GALNT2: variants seen among roughly 807,000 people sequenced by gnomAD.
The protein encoded by GALNT2 is polypeptide N-acetylgalactosaminyltransferase 2, also known as UDP-GalNAc:polypeptide N-acetylgalactosaminyltransferase 2.
In GALNT2, 31 loss-of-function variants were observed where a neutral mutation model predicts 81.4. The ratio of observed to expected loss-of-function variants is 0.38; its 90% CI spans 0.29 to 0.51. The LOEUF (loss-of-function observed/expected upper bound fraction) is 0.51, where lower values mean the gene tolerates loss of function less well. Ranked by LOEUF, GALNT2 falls within the 20% of genes least tolerant of loss-of-function variation. The probability of loss-of-function intolerance (pLI) is 0.87; values close to 1 mark genes in which losing one functional copy is unlikely to be tolerated. For missense variants in GALNT2, 629 were observed against 765.7 expected (o/e 0.82, Z 2.11); for synonymous variants, 303 against 287.4 (o/e 1.05, Z -0.55).
At chr1:230,151,231 C>T (rs1207613121) in intron 1 of GALNT2, among the ~76,000 whole-genome samples, 2 of 152,212 alleles carry the variant, frequency 1.3e-5, no homozygotes, top group African/African-American at 2.4e-5. Context: ...TCCGGGATGT[C>T]CTCCTGGAGG....
rs144216012 is a variant in GALNT2, at chr1:230,274,509, G to C, written c.1505G>C (p.Arg502Pro). 6.2e-7 allele frequency: 1 copy of C among 1,613,970 alleles called. No homozygotes were observed. The highest frequency in any genetic ancestry group is 8.5e-7 in the Non-Finnish European group (1 of 1,179,902). ...HMDLCLTVVD[R>P]APGSLIKLQG... is the part of the protein sequence containing the mutation. ...GATTTGTGCCTTACTGTGGTGGACC[G>C]GGCACCGGGCTCTCTTATAAAGCTG... Residue 502 changes from arginine to proline, a missense_variant, in exon 15 of 16, where the codon CGG becomes CCG. Arg to Pro is a moderately radical substitution (Grantham distance 103, BLOSUM62 -2). Around this residue, in one of 3 missense-constraint regions of GALNT2, gnomAD observed 207 missense variants for 225.5 expected, o/e 0.92. Coordinates refer to ENST00000366672, the MANE Select transcript of GALNT2 (RefSeq NM_004481.5).
intron 14 of GALNT2, among the ~76,000 whole-genome samples, chr1:230,265,787 T>C (rs1666020390): frequency 6.6e-6 from 1 of 152,244 alleles, no homozygotes; most frequent in Non-Finnish European, 1.5e-5. Context: ...CTGTGGGCAC[T>C]AAGGCGGCTG....
At chr1:230,156,093 G>A (rs1662241924) in intron 1 of GALNT2, among the ~76,000 whole-genome samples, 2 of 151,976 alleles carry the variant, frequency 1.3e-5, no homozygotes, top group South Asian at 4.2e-4. Context: ...AGAGAAGAGA[G>A]AGTCATTGAT....
intron 1 of GALNT2, among the ~76,000 whole-genome samples, chr1:230,167,823 C>T (rs1421262502): frequency 6.6e-6 from 1 of 152,208 alleles, no homozygotes; most frequent in African/African-American, 2.4e-5. Flanking sequence ...TTGGGCCCCG[C>T]TCATCACCAA....
chr1:230,068,116 G>A (rs1162427074), intron 1 of GALNT2, among the ~76,000 whole-genome samples: 1 of 152,228 alleles, frequency 6.6e-6, no homozygotes, highest in Non-Finnish European at 1.5e-5. Context: ...GGCCTCCTGC[G>A]CTTGCATTTT....
At chr1:230,111,355 A>C (rs1022977320) in intron 1 of GALNT2, among the ~76,000 whole-genome samples, 1 of 152,230 alleles carries the variant, frequency 6.6e-6, no homozygotes, top group Non-Finnish European at 1.5e-5. Context: ...ATTTGCATAC[A>C]CATGTGTGCA....
rs116717265 is a variant in GALNT2, at chr1:230,225,394, C to T, written c.375-10620C>T. Among the ~76,000 whole-genome samples, 153 of 152,268 alleles carry T rather than the reference C, an allele frequency of 1.0e-3. 1 individual carries two copies. The highest frequency in any genetic ancestry group is 3.3e-3 in the African/African-American group (136 of 41,542). On this transcript the variant is annotated intron_variant, in intron 3 of 15. Coordinates refer to ENST00000366672, the MANE Select transcript of GALNT2 (RefSeq NM_004481.5). ...GTGCCCTGAGGTTGAGAGATGCATC[C>T]GCAGCCCAGTTTGGGGTTGGACTGA...
intron 1 of GALNT2, among the ~76,000 whole-genome samples, chr1:230,157,000 G>A (rs944021236): frequency 3.9e-5 from 6 of 152,214 alleles, no homozygotes; most frequent in African/African-American, 1.4e-4. Context: ...AAACTATCAC[G>A]AAAGAGGTAA....
chr1:230,200,072 T>C (rs1663838448), intron 2 of GALNT2, among the ~76,000 whole-genome samples: 1 of 148,080 alleles, frequency 6.8e-6, no homozygotes, highest in Admixed American at 6.7e-5. Context: ...CTTTTTTTTT[T>C]TTTTTTTTGA....
At chr1:230,143,311 G>T (rs6665258) in intron 1 of GALNT2, among the ~76,000 whole-genome samples, 3 of 152,044 alleles carry the variant, frequency 2.0e-5, no homozygotes, top group Middle Eastern at 3.4e-3. Flanking sequence ...TCTCTGGAAG[G>T]TGTAGTTAGT....
chr1:230,067,235 A>G (rs1447800564), upstream of GALNT2: 24 of 1,198,878 alleles, frequency 2.0e-5, no homozygotes, highest in East Asian at 8.2e-4. Flanking sequence ...CGGCCCAGGC[A>G]GCACTCGCGA....
chr1:230,085,858 A>T (rs138504804), intron 1 of GALNT2, among the ~76,000 whole-genome samples: 45 of 152,258 alleles, frequency 3.0e-4, no homozygotes, highest in African/African-American at 9.9e-4. Flanking sequence ...TCTGGTGTAG[A>T]CGTTGGGGGT....
chr1:230,179,570 T>C (rs1318621602), intron 2 of GALNT2, among the ~76,000 whole-genome samples: 2 of 152,262 alleles, frequency 1.3e-5, no homozygotes, highest in African/African-American at 2.4e-5. Context: ...GAGCATCTTT[T>C]CATAGGCTTA....
chr1:230,224,602 A>G (rs1387524060), intron 3 of GALNT2, among the ~76,000 whole-genome samples: 1 of 152,252 alleles, frequency 6.6e-6, no homozygotes, highest in Admixed American at 6.5e-5. Context: ...GAAAGCTTCA[A>G]GGGGAAACCT....
At chr1:230,192,479 T>A (rs1663559827) in intron 2 of GALNT2, among the ~76,000 whole-genome samples, 1 of 152,198 alleles carries the variant, frequency 6.6e-6, no homozygotes, top group South Asian at 2.1e-4. Context: ...CACTTTGATA[T>A]TATTACTGAT....
chr1:230,244,480 C>T (rs1022734143), intron 7 of GALNT2, among the ~76,000 whole-genome samples: 2 of 148,672 alleles, frequency 1.3e-5, no homozygotes, highest in African/African-American at 5.0e-5. Flanking sequence ...TCCCCACCCA[C>T]CCCAACCCCA....
chr1:230,240,296 T>G (rs1374341182), intron 6 of GALNT2, among the ~76,000 whole-genome samples: 1 of 152,182 alleles, frequency 6.6e-6, no homozygotes, highest in African/African-American at 2.4e-5. Flanking sequence ...TTCAGCACTT[T>G]AAAGGTTTCA....
chr1:230,075,381 A>G (rs1303244932), intron 1 of GALNT2, among the ~76,000 whole-genome samples: 1 of 152,064 alleles, frequency 6.6e-6, no homozygotes, highest in Non-Finnish European at 1.5e-5. Context: ...TCGGCCTCCC[A>G]AAGTGCTGGG....
chr1:230,136,519 C>A (rs556079487), intron 1 of GALNT2, among the ~76,000 whole-genome samples: 2 of 152,196 alleles, frequency 1.3e-5, no homozygotes, highest in East Asian at 3.9e-4. Context: ...ATGCATGCAC[C>A]CCCTCACTGC....
Sources: gnomAD v4.1 joint callset for allele counts (sites outside exome capture counted in the v4.1 genomes callset) on GRCh38, gnomAD v4.1.1 for gene constraint, gnomAD v4.1.1 regional missense constraint, MANE v1.5 for transcripts, NCBI Gene and HGNC (gene_info 2026-07-23, HGNC 2026-07-21) for gene names.